ZNF804A: variants seen among roughly 807,000 people sequenced by gnomAD.
ZNF804A encodes the protein zinc finger protein 804A.
A neutral mutation model predicts 16.5 loss-of-function variants in ZNF804A; 2 were observed. That is an observed-to-expected ratio of 0.12 (90% CI 0.05 to 0.38). The LOEUF is 0.38. Ranked by LOEUF, ZNF804A falls within the 10% of genes least tolerant of loss-of-function variation. The pLI is 0.99. For synonymous variants in ZNF804A, 534 were observed against 489.6 expected (o/e 1.09, Z -1.20); for missense variants, 1,473 against 1,390.7 (o/e 1.06, Z -0.94).
chr2:184,676,234 T>C (rs980794811), intron 1 of ZNF804A, among the ~76,000 whole-genome samples: 5 of 151,696 alleles, frequency 3.3e-5, no homozygotes, highest in South Asian at 4.1e-4. Flanking sequence ...TTTATTGTTA[T>C]ATTAAATATT....
intron 1 of ZNF804A, among the ~76,000 whole-genome samples, chr2:184,823,973 A>G (rs946268937): frequency 2.0e-5 from 3 of 152,186 alleles, no homozygotes; most frequent in Admixed American, 6.6e-5. Context: ...AGCAAATATT[A>G]AGATATCTTT....
intron 1 of ZNF804A, among the ~76,000 whole-genome samples, chr2:184,812,331 G>A (rs535899708): frequency 6.1e-4 from 93 of 152,152 alleles, no homozygotes; most frequent in Non-Finnish European, 9.7e-4. Flanking sequence ...AAAATGTAGA[G>A]GGAAACCTTT....
chr2:184,767,656 T>A (rs1272060013), intron 1 of ZNF804A, among the ~76,000 whole-genome samples: 1 of 152,150 alleles, frequency 6.6e-6, no homozygotes, highest in African/African-American at 2.4e-5. Flanking sequence ...ATGATCAGGC[T>A]ACTTAAAGAT....
At chr2:184,728,362 A>G (rs1235462365) in intron 1 of ZNF804A, among the ~76,000 whole-genome samples, 13 of 151,894 alleles carry the variant, frequency 8.6e-5, no homozygotes, top group African/African-American at 3.1e-4. Context: ...GAGCTATGCC[A>G]TATTTTGATG....
chr2:184,826,071 A>T (rs1695163940), intron 1 of ZNF804A, among the ~76,000 whole-genome samples: 1 of 143,404 alleles, frequency 7.0e-6, no homozygotes, highest in Non-Finnish European at 1.5e-5. Context: ...TTTTTAGTAG[A>T]GACAGGGTTT....
At chr2:184,671,701 G>A (rs1363619367) in intron 1 of ZNF804A, among the ~76,000 whole-genome samples, 1 of 152,170 alleles carries the variant, frequency 6.6e-6, no homozygotes, top group African/African-American at 2.4e-5. Context: ...TGCTGCCACT[G>A]TTTTGTCAAT....
chr2:184,916,401 C>A (rs535152172), intron 2 of ZNF804A, among the ~76,000 whole-genome samples: 2 of 151,908 alleles, frequency 1.3e-5, no homozygotes, highest in East Asian at 1.9e-4. Flanking sequence ...GAAACATAGA[C>A]CTTAGAATAT....
At chr2:184,606,023 A>C (rs1198721582) in intron 1 of ZNF804A, among the ~76,000 whole-genome samples, 3 of 152,220 alleles carry the variant, frequency 2.0e-5, no homozygotes, top group Non-Finnish European at 4.4e-5. Context: ...TCTAAATGTA[A>C]GTACATTTAA....
intron 1 of ZNF804A, among the ~76,000 whole-genome samples, chr2:184,679,995 A>G (rs1283959851): frequency 6.6e-6 from 1 of 152,158 alleles, no homozygotes; most frequent in Non-Finnish European, 1.5e-5. Flanking sequence ...GGGCCTGCTC[A>G]TGGCCACTCA....
At chr2:184,866,340 G>T in intron 1 of ZNF804A, 29 bp from the exon 2 acceptor site, 1 of 1,610,184 alleles carries the variant, frequency 6.2e-7, no homozygotes, top group Non-Finnish European at 8.5e-7. Context: ...AGAGCTAATT[G>T]TATCCTTCCT....
At chr2:184,790,079 A>T (rs989959372) in intron 1 of ZNF804A, among the ~76,000 whole-genome samples, 1 of 151,522 alleles carries the variant, frequency 6.6e-6, no homozygotes, top group Non-Finnish European at 1.5e-5. Flanking sequence ...TTCATTGTTT[A>T]CTCCAAAGTT....
At chr2:184,777,265 G>A (rs947192638) in intron 1 of ZNF804A, among the ~76,000 whole-genome samples, 3 of 151,470 alleles carry the variant, frequency 2.0e-5, no homozygotes, top group African/African-American at 7.3e-5. Context: ...ATACCATTTT[G>A]GAAATTTTAA....
chr2:184,914,558 G>T (rs531983850), intron 2 of ZNF804A, among the ~76,000 whole-genome samples: 8 of 152,194 alleles, frequency 5.3e-5, no homozygotes, highest in African/African-American at 1.9e-4. Context: ...AACAGAAATT[G>T]ATATTCCACC....
At chr2:184,890,451 G>T (rs917706140) in intron 2 of ZNF804A, among the ~76,000 whole-genome samples, 2 of 152,040 alleles carry the variant, frequency 1.3e-5, no homozygotes, top group Non-Finnish European at 2.9e-5. Flanking sequence ...AGTGAGTTCA[G>T]TTTCTGTTTC....
chr2:184,680,463 C>G (rs151168452), intron 1 of ZNF804A, among the ~76,000 whole-genome samples: 2 of 152,240 alleles, frequency 1.3e-5, no homozygotes, highest in African/African-American at 4.8e-5. Context: ...CACTATGGGT[C>G]TCCTCACTGC....
intron 1 of ZNF804A, among the ~76,000 whole-genome samples, chr2:184,784,092 G>T (rs990820372): frequency 6.6e-6 from 1 of 151,898 alleles, no homozygotes; most frequent in Non-Finnish European, 1.5e-5. Context: ...CTACTAAACA[G>T]ATTCACAGAG....
chr2:184,802,723 T>C (rs188257314), intron 1 of ZNF804A, among the ~76,000 whole-genome samples: 25 of 152,338 alleles, frequency 1.6e-4, no homozygotes, highest in South Asian at 8.3e-4. Context: ...GAATAGTATC[T>C]TCCAAACCCT....
intron 1 of ZNF804A, among the ~76,000 whole-genome samples, chr2:184,655,929 T>A (rs1233777981): frequency 6.6e-6 from 1 of 152,162 alleles, no homozygotes; most frequent in Non-Finnish European, 1.5e-5. Flanking sequence ...TGAAAAGTGA[T>A]GAAACTCAAA....
intron 2 of ZNF804A, among the ~76,000 whole-genome samples, chr2:184,925,666 G>A (rs553865055): frequency 6.6e-6 from 1 of 151,594 alleles, no homozygotes; most frequent in South Asian, 2.1e-4. Flanking sequence ...ATTTTCTTGG[G>A]TGATGTGAAT....
Sources: gnomAD v4.1 joint callset for allele counts (sites outside exome capture counted in the v4.1 genomes callset) on GRCh38, gnomAD v4.1.1 for gene constraint, MANE v1.5 for transcripts, NCBI Gene and HGNC (gene_info 2026-07-23, HGNC 2026-07-21) for gene names.